GRIA3: variants seen among roughly 807,000 people sequenced by gnomAD.
The protein encoded by GRIA3 is glutamate receptor 3.
GRIA3 carries 3 observed loss-of-function variants against 63.0 expected under a neutral mutation model. That is an observed-to-expected ratio of 0.05 (90% CI 0.02 to 0.12). The LOEUF (loss-of-function observed/expected upper bound fraction) is 0.12. GRIA3 is among the 10% of genes least tolerant of loss of function. GRIA3 has a pLI of 1.00. For synonymous variants in GRIA3, 274 were observed against 257.9 expected, an observed-to-expected ratio of 1.06 and a Z score of -0.60; for missense variants, 347 against 700.9, an observed-to-expected ratio of 0.50 and a Z score of 5.70.
intron 5 of GRIA3, among the ~76,000 whole-genome samples, chrX:123,372,147 T>C (rs2045251123): frequency 8.9e-6 from 1 of 112,252 alleles, no homozygotes; most frequent in Non-Finnish European, 1.9e-5. Flanking sequence ...TTTTCCCCAA[T>C]ATATGTTCTT....
chrX:123,267,473 T>G (rs1381489493), intron 3 of GRIA3, among the ~76,000 whole-genome samples: 2 of 112,107 alleles, frequency 1.8e-5, no homozygotes, highest in African/African-American at 3.2e-5. Context: ...ATGAGTAATC[T>G]CAAGAGCTAG....
intron 13 of GRIA3, among the ~76,000 whole-genome samples, chrX:123,466,227 G>T (rs1171839206): frequency 8.9e-6 from 1 of 111,785 alleles, no homozygotes; most frequent in Non-Finnish European, 1.9e-5. Context: ...GAGGTTGGTT[G>T]GTTGAGTAAG....
In GRIA3 at chrX:123,352,900, A is replaced by T. The variant is rs925102904; in HGVS notation, c.697-2010A>T. Among the ~76,000 whole-genome samples, 3 of 110,984 alleles carry T rather than the reference A, an allele frequency of 2.7e-5. No individual in the cohort carries two copies. In the East Asian group the frequency reaches 8.5e-4, roughly 31 times the overall value. Reference sequence around the variant, plus strand: ...CATTTTGTGTCATGGAAGCATGAGAAATCACATCCTCAAGACATTTATTAA... The same window carrying T: ...CATTTTGTGTCATGGAAGCATGAGATATCACATCCTCAAGACATTTATTAA... On this transcript the variant is annotated intron_variant, in intron 4 of 15. Coordinates refer to ENST00000620443, the MANE Select transcript of GRIA3 (RefSeq NM_007325.5).
intron 3 of GRIA3, among the ~76,000 whole-genome samples, chrX:123,255,464 T>C (rs1267548182): frequency 2.7e-5 from 3 of 110,551 alleles, no homozygotes; most frequent in African/African-American, 9.9e-5. Context: ...CAATTTCGTT[T>C]TCAGAACTGA....
At chrX:123,431,413 C>G (rs1185807183) in intron 12 of GRIA3, among the ~76,000 whole-genome samples, 2 of 112,005 alleles carry the variant, frequency 1.8e-5, no homozygotes, top group Non-Finnish European at 3.8e-5. Flanking sequence ...ACAGAGGGAC[C>G]TGTTCCGTCA....
intron 3 of GRIA3, among the ~76,000 whole-genome samples, chrX:123,314,059 A>T (rs2044815656): frequency 9.0e-6 from 1 of 111,104 alleles, no homozygotes; most frequent in Non-Finnish European, 1.9e-5. Flanking sequence ...CCACCCAACT[A>T]GGGCTGGCAA....
At chrX:123,256,068 C>T (rs1477027004) in intron 3 of GRIA3, among the ~76,000 whole-genome samples, 2 of 111,508 alleles carry the variant, frequency 1.8e-5, no homozygotes, top group African/African-American at 6.5e-5. Context: ...CAGAACCATG[C>T]CTGCCTCAGC....
intron 11 of GRIA3, among the ~76,000 whole-genome samples, chrX:123,423,349 G>A (rs773533885): frequency 9.0e-5 from 10 of 111,531 alleles, no homozygotes; most frequent in African/African-American, 2.9e-4. Flanking sequence ...GACATGAAGG[G>A]TATAAAATAA....
intron 11 of GRIA3, among the ~76,000 whole-genome samples, chrX:123,426,413 C>T (rs1464378878): frequency 1.8e-5 from 2 of 111,986 alleles, no homozygotes; most frequent in East Asian, 5.6e-4. Context: ...AAACTTGCAA[C>T]CCTGTCTGCA....
At chrX:123,411,258 G>A (rs1201688502) in intron 10 of GRIA3, among the ~76,000 whole-genome samples, 2 of 111,733 alleles carry the variant, frequency 1.8e-5, no homozygotes, top group African/African-American at 6.5e-5. Context: ...TCTTCTCTTG[G>A]ATAACATATA....
intron 3 of GRIA3, among the ~76,000 whole-genome samples, chrX:123,268,026 A>G (rs940420949): frequency 3.6e-5 from 4 of 111,760 alleles, no homozygotes; most frequent in African/African-American, 1.3e-4. Context: ...ATAAAGACAA[A>G]CGTTACTGAT....
chrX:123,334,812 C>T (rs2044964477), intron 4 of GRIA3, among the ~76,000 whole-genome samples: 1 of 110,858 alleles, frequency 9.0e-6, no homozygotes, highest in African/African-American at 3.3e-5. Flanking sequence ...TCTACATCTC[C>T]ATTTCCTGAA....
chrX:123,472,152 T>C (rs752681186), intron 13 of GRIA3, among the ~76,000 whole-genome samples: 41 of 104,154 alleles, frequency 3.9e-4, no homozygotes, highest in Non-Finnish European at 7.3e-4. Flanking sequence ...AGATCTGATA[T>C]ATAGACTTCA....
In GRIA3 at chrX:123,373,027, C is replaced by G. The variant is rs2045259031; in HGVS notation, c.750+18064C>G. On this transcript the variant is annotated intron_variant, in intron 5 of 15. Coordinates refer to ENST00000620443, the MANE Select transcript of GRIA3 (RefSeq NM_007325.5). Reference sequence around the variant, plus strand: ...CTATCCCTCCCCTAGCCCCCCACCCCACAACAGGCCCCGGTGTGTGATGTT... The same window carrying G: ...CTATCCCTCCCCTAGCCCCCCACCCGACAACAGGCCCCGGTGTGTGATGTT... Among the ~76,000 whole-genome samples the G allele has an allele frequency of 4.6e-5, 5 of 109,445 alleles. No homozygotes were observed. The South Asian group carries it at 2.1e-3, about 45-fold the overall frequency.
rs1232880053 is a variant in GRIA3 at position 123,272,398 on chromosome X, C to T, written c.508+18856C>T. Among the ~76,000 whole-genome samples the T allele has an allele frequency of 2.7e-5, 3 of 112,183 alleles. No homozygotes were observed. In the Admixed American group the frequency reaches 2.8e-4, roughly 11 times the overall value. On this transcript the variant is annotated intron_variant, in intron 3 of 15. Transcript: ENST00000620443. ...AAAGAAGTTCCTTCTAGGCCTTCAC[C>T]TTTGAGCCTCTGAATAGTGGGTGCA...
intron 10 of GRIA3, among the ~76,000 whole-genome samples, chrX:123,412,314 G>A (rs2045511449): frequency 9.0e-6 from 1 of 111,718 alleles, no homozygotes; most frequent in Non-Finnish European, 1.9e-5. Flanking sequence ...ATGCCAAGCA[G>A]GTCCTATGCT....
chrX:123,218,584 C>T (rs1443918471), intron 2 of GRIA3, among the ~76,000 whole-genome samples: 1 of 111,086 alleles, frequency 9.0e-6, no homozygotes, highest in African/African-American at 3.3e-5. Context: ...CTCAGCCTCC[C>T]GAGTAAATGA....
At position 123,417,397 on chromosome X, in the gene GRIA3, T is replaced by TTCTTTTTTG; in HGVS notation, c.1501-3_1501-2insTTTTTTGTC. Reference sequence around the variant, plus strand: ...ATATGTTTTCTTTTTTTTCTTTTTTTTCAGAGAGCTGATATAGCTGTTGCT... The same window carrying TTCTTTTTTG: ...ATATGTTTTCTTTTTTTTCTTTTTTTTCTTTTTTGTCAGAGAGCTGATATAGCTGTTGCT... On this transcript the variant is annotated splice_region_variant and splice_polypyrimidine_tract_variant and intron_variant, in intron 10 of 15. Transcript: ENST00000620443. 8.3e-7 allele frequency: 1 copy of TTCTTTTTTG among 1,199,367 alleles called. No individual in the cohort carries two copies. Among genetic ancestry groups the TTCTTTTTTG allele is most frequent in the Admixed American group, 2.2e-5 (1 of 45,798 alleles).
At chrX:123,184,841 G>C (rs1927212675) in intron 1 of GRIA3, 197 bp downstream of exon 1, 1 of 500,518 alleles carries the variant, frequency 2.0e-6, no homozygotes, top group Non-Finnish European at 3.6e-6. Context: ...CTGGTCTGAA[G>C]AGCCTCTGGG....
Sources: gnomAD v4.1 joint callset for allele counts (sites outside exome capture counted in the v4.1 genomes callset) on GRCh38, gnomAD v4.1.1 for gene constraint, MANE v1.5 for transcripts, NCBI Gene and HGNC (gene_info 2026-07-23, HGNC 2026-07-21) for gene names.